KLF12: variants seen among roughly 807,000 people sequenced by gnomAD.
KLF12 encodes the protein KLF transcription factor 12, also known as Krueppel-like factor 12.
A neutral mutation model predicts 37.8 loss-of-function variants in KLF12; 9 were observed. The observed-to-expected ratio is 0.24, with a 90% CI of 0.14 to 0.42. The LOEUF is 0.42. Ranked by LOEUF, KLF12 falls within the 10% of genes least tolerant of loss-of-function variation. The probability of loss-of-function intolerance (pLI) is 1.00; values close to 1 mark genes in which losing one functional copy is unlikely to be tolerated. For synonymous variants in KLF12, 208 were observed against 202.1 expected (o/e 1.03, Z -0.25); for missense variants, 411 against 516.0 (o/e 0.80, Z 1.97).
the KLF12 span, among the ~76,000 whole-genome samples, chr13:74,272,200 T>C: frequency 6.6e-6 from 1 of 152,220 alleles, no homozygotes; most frequent in Non-Finnish European, 1.5e-5. Flanking sequence ...CTTGGACTTA[T>C]ACTTCTACCA....
intron 1 of KLF12, among the ~76,000 whole-genome samples, chr13:74,118,723 C>A (rs1225652754): frequency 6.6e-6 from 1 of 152,098 alleles, no homozygotes; most frequent in Non-Finnish European, 1.5e-5. Flanking sequence ...CCCGCCAAAA[C>A]CCAATTTACA....
the KLF12 span, among the ~76,000 whole-genome samples, chr13:74,220,027 A>G: frequency 1.0e-3 from 152 of 152,210 alleles, 1 homozygote; most frequent in African/African-American, 3.6e-3. Context: ...AAAATATTGC[A>G]TCTGCTTCGA....
At chr13:73,716,000 A>G (rs1298967433) in intron 6 of KLF12, among the ~76,000 whole-genome samples, 2 of 152,218 alleles carry the variant, frequency 1.3e-5, no homozygotes, top group South Asian at 2.1e-4. Context: ...CACAAGGTAC[A>G]TTTCTAAACA....
intron 3 of KLF12, among the ~76,000 whole-genome samples, chr13:73,941,057 T>C (rs755208): frequency 6.6e-6 from 1 of 152,218 alleles, no homozygotes; most frequent in African/African-American, 2.4e-5. Context: ...CTGAGATAAA[T>C]ACCAACTTTT....
At chr13:74,135,712 C>T (rs989571786), upstream of KLF12, among the ~76,000 whole-genome samples, 3 of 152,022 alleles carry the variant, frequency 2.0e-5, no homozygotes, top group Admixed American at 6.5e-5. Context: ...GCCCCCGGCC[C>T]GGCCCGCCCC....
chr13:74,264,006 G>T, the KLF12 span, among the ~76,000 whole-genome samples: 1 of 152,148 alleles, frequency 6.6e-6, no homozygotes, highest in African/African-American at 2.4e-5. Flanking sequence ...AGATCTCAGG[G>T]AAAAGGAGGA....
chr13:73,886,766 C>T (rs775480807), intron 3 of KLF12, among the ~76,000 whole-genome samples: 87 of 152,060 alleles, frequency 5.7e-4, no homozygotes, highest in Non-Finnish European at 8.5e-4. Flanking sequence ...CCGAGGCGAG[C>T]GGATCACCTG....
the KLF12 span, among the ~76,000 whole-genome samples, chr13:74,205,858 T>G: frequency 6.6e-6 from 1 of 152,012 alleles, no homozygotes; most frequent in Non-Finnish European, 1.5e-5. Context: ...GTTGTAGAGA[T>G]TTTTATAGTA....
chr13:73,824,875 C>T (rs1264366917), intron 4 of KLF12, among the ~76,000 whole-genome samples: 1 of 152,094 alleles, frequency 6.6e-6, no homozygotes, highest in East Asian at 1.9e-4. Flanking sequence ...CGAGACCAGC[C>T]TGGCCAACAT....
chr13:74,274,395 C>T, the KLF12 span, among the ~76,000 whole-genome samples: 19 of 152,288 alleles, frequency 1.2e-4, no homozygotes, highest in East Asian at 3.7e-3. Flanking sequence ...TAAGATCGCA[C>T]ATTACCATTT....
chr13:73,780,731 G>C (rs964221911), intron 5 of KLF12, among the ~76,000 whole-genome samples: 1 of 152,136 alleles, frequency 6.6e-6, no homozygotes, highest in African/African-American at 2.4e-5. Flanking sequence ...CAAAGTGCTG[G>C]GATTACAGGC....
chr13:73,925,784 G>A (rs1348786611), intron 3 of KLF12, among the ~76,000 whole-genome samples: 2 of 152,086 alleles, frequency 1.3e-5, no homozygotes, highest in Non-Finnish European at 2.9e-5. Flanking sequence ...CATGGGAGGA[G>A]GTCAAAGTAT....
the KLF12 span, among the ~76,000 whole-genome samples, chr13:74,150,668 G>A: frequency 5.9e-5 from 9 of 152,124 alleles, no homozygotes; most frequent in South Asian, 4.2e-4. Context: ...AATTCCCAGC[G>A]TCAGTATTCC....
intron 1 of KLF12, among the ~76,000 whole-genome samples, chr13:74,024,959 T>C (rs1892937569): frequency 6.6e-6 from 1 of 152,162 alleles, no homozygotes; most frequent in South Asian, 2.1e-4. Context: ...TCAACATAAA[T>C]AAGCCAATGG....
intron 7 of KLF12, among the ~76,000 whole-genome samples, chr13:73,701,663 T>G (rs1874564027): frequency 6.6e-6 from 1 of 152,218 alleles, no homozygotes; most frequent in East Asian, 1.9e-4. Context: ...AGTTGAGACA[T>G]TACATTTTTG....
At chr13:73,861,211 G>A (rs1885908439) in intron 3 of KLF12, among the ~76,000 whole-genome samples, 1 of 152,000 alleles carries the variant, frequency 6.6e-6, no homozygotes, top group South Asian at 2.1e-4. Flanking sequence ...TATAAATCCT[G>A]TAACTAGATA....
At chr13:74,278,175 A>G in the KLF12 span, among the ~76,000 whole-genome samples, 483 of 151,980 alleles carry the variant, frequency 3.2e-3, 3 homozygotes, top group African/African-American at 0.011. Context: ...CCTTGCCCCA[A>G]CCAATTTCTG....
At chr13:74,182,215 C>T in the KLF12 span, among the ~76,000 whole-genome samples, 11 of 152,094 alleles carry the variant, frequency 7.2e-5, no homozygotes, top group African/African-American at 1.7e-4. Flanking sequence ...CAATTCACTG[C>T]GTTAGGAAGG....
the KLF12 span, among the ~76,000 whole-genome samples, chr13:74,234,470 G>A: frequency 0.049 from 7,439 of 152,222 alleles, 457 homozygotes; most frequent in African/African-American, 0.14. Context: ...ATGAGATTAT[G>A]TTTGCAAATC....
Sources: gnomAD v4.1 joint callset for allele counts (sites outside exome capture counted in the v4.1 genomes callset) on GRCh38, gnomAD v4.1.1 for gene constraint, MANE v1.5 for transcripts, NCBI Gene and HGNC (gene_info 2026-07-23, HGNC 2026-07-21) for gene names.